Variants in TCF4 observed in about 807,000 individuals in gnomAD.
TCF4 encodes the protein transcription factor 4.
Under a neutral mutation model 82.1 loss-of-function variants are expected in TCF4, and 3 were observed. The observed-to-expected ratio is 0.04, with a 90% CI of 0.02 to 0.09. The LOEUF is 0.09. Among genes scored for constraint, TCF4 ranks in the 10% least tolerant of loss-of-function variants. TCF4 has a pLI of 1.00. For synonymous variants in TCF4, 276 were observed against 309.6 expected, an observed-to-expected ratio of 0.89 and a Z score of 1.14; for missense variants, 518 against 852.7, an observed-to-expected ratio of 0.61 and a Z score of 4.89.
At chr18:55,382,223 T>C (rs1281089527) in intron 6 of TCF4, among the ~76,000 whole-genome samples, 3 of 152,094 alleles carry the variant, frequency 2.0e-5, no homozygotes, top group African/African-American at 7.2e-5. Flanking sequence ...CATGCATGAA[T>C]TGTCTTCCTA....
At chr18:55,248,794 G>A (rs2054111823) in intron 15 of TCF4, among the ~76,000 whole-genome samples, 1 of 152,124 alleles carries the variant, frequency 6.6e-6, no homozygotes, top group Non-Finnish European at 1.5e-5. Context: ...ACCCAGGCTG[G>A]AGTGCAGTGG....
intron 3 of TCF4, among the ~76,000 whole-genome samples, chr18:55,576,719 T>G (rs1328948407): frequency 1.3e-5 from 2 of 152,168 alleles, no homozygotes; most frequent in Non-Finnish European, 1.5e-5. Context: ...TTCATTTCTC[T>G]AAACTCCCAC....
At position 55,380,420 on chromosome 18, in the gene TCF4, G is replaced by A. The variant is rs553269494; in HGVS notation, c.369+23034C>T. Among the ~76,000 whole-genome samples, 10 of 151,632 alleles carry A rather than the reference G, an allele frequency of 6.6e-5. No homozygotes were observed. In the East Asian group the frequency reaches 1.4e-3, roughly 21 times the overall value. ...TTCTCCTAATGCTAACCCTCCCCTC[G>A]TCCCCCACCGCTGACAGGCCCCAGT... On this transcript the variant is annotated intron_variant, in intron 6 of 19. Transcript: ENST00000354452.
intron 8 of TCF4, among the ~76,000 whole-genome samples, chr18:55,318,043 T>C (rs771835480): frequency 6.6e-6 from 1 of 152,150 alleles, no homozygotes; most frequent in Non-Finnish European, 1.5e-5. Context: ...TTACAATAAT[T>C]ACAGGTTTCT....
intron 6 of TCF4, among the ~76,000 whole-genome samples, chr18:55,382,222 A>T (rs978777096): frequency 1.3e-5 from 2 of 152,092 alleles, no homozygotes; most frequent in South Asian, 2.1e-4. Context: ...CCATGCATGA[A>T]TTGTCTTCCT....
chr18:55,541,083 C>T (rs556399469), intron 3 of TCF4, among the ~76,000 whole-genome samples: 37 of 151,946 alleles, frequency 2.4e-4, no homozygotes, highest in African/African-American at 5.1e-4. Context: ...CTACCATGTA[C>T]GTAATAATGA....
intron 5 of TCF4, among the ~76,000 whole-genome samples, chr18:55,437,164 C>T (rs1424873499): frequency 6.6e-6 from 1 of 152,192 alleles, no homozygotes; most frequent in East Asian, 1.9e-4. Flanking sequence ...ATTTATAATG[C>T]TGACTTCCCT....
At chr18:55,480,732 TCAAA>T (rs753576365) in intron 3 of TCF4, among the ~76,000 whole-genome samples, 1 of 152,224 alleles carries the variant, frequency 6.6e-6, no homozygotes, top group Non-Finnish European at 1.5e-5. Flanking sequence ...GTCACTAAAA[TCAAA>T]CAAACCCTAG....
chr18:55,584,924 T>G (rs2097622892), intron 3 of TCF4, among the ~76,000 whole-genome samples: 2 of 152,168 alleles, frequency 1.3e-5, no homozygotes. Flanking sequence ...TCCCATTTTA[T>G]GAATGTTAGA....
At chr18:55,486,687 A>T (rs1021406747) in intron 3 of TCF4, among the ~76,000 whole-genome samples, 1 of 152,184 alleles carries the variant, frequency 6.6e-6, no homozygotes, top group African/African-American at 2.4e-5. Flanking sequence ...GCCAGAGAAC[A>T]GGTGAAATCG....
At chr18:55,460,584 T>C (rs111501748) in intron 5 of TCF4, among the ~76,000 whole-genome samples, 25 of 152,298 alleles carry the variant, frequency 1.6e-4, no homozygotes, top group African/African-American at 6.0e-4. Context: ...CTAAGCCCAT[T>C]AACACCATTT....
At chr18:55,281,803 G>A (rs528250985) in intron 8 of TCF4, among the ~76,000 whole-genome samples, 85 of 151,486 alleles carry the variant, frequency 5.6e-4, no homozygotes, top group African/African-American at 1.7e-3. Flanking sequence ...TTTACAAGGA[G>A]GCTACTTTGA....
In TCF4 at chr18:55,228,047, GA is replaced by G; in HGVS notation, c.*5-18del. 1 of 806,278 alleles carries G rather than the reference GA, an allele frequency of 1.2e-6. No individual in the cohort carries two copies. The highest frequency in any genetic ancestry group is 1.9e-6 in the Non-Finnish European group (1 of 529,290). 49.9% of individuals were successfully genotyped at this position (806,278 alleles called of 1,614,324 possible). Reference sequence around the variant, plus strand: ...AACTTGGACCTGAGAAAGGAAAAAAGAGAGAAAAAATTCATTAATATATTTG... The same window carrying G: ...AACTTGGACCTGAGAAAGGAAAAAAGGAGAAAAAATTCATTAATATATTTG... On this transcript the variant is annotated intron_variant, in intron 19 of 19. Coordinates refer to ENST00000354452, the MANE Select transcript of TCF4 (RefSeq NM_001083962.2).
At chr18:55,412,202 C>T (rs2094374052) in intron 5 of TCF4, among the ~76,000 whole-genome samples, 1 of 152,142 alleles carries the variant, frequency 6.6e-6, no homozygotes, top group Non-Finnish European at 1.5e-5. Context: ...ACTACTAGCA[C>T]TCACCTATTT....
intron 8 of TCF4, among the ~76,000 whole-genome samples, chr18:55,337,157 T>C (rs2078829518): frequency 6.6e-6 from 1 of 152,122 alleles, no homozygotes; most frequent in Non-Finnish European, 1.5e-5. Flanking sequence ...CGTGAGAATG[T>C]GGGAACAGAA....
chr18:55,480,827 G>C (rs1282566216), intron 3 of TCF4, among the ~76,000 whole-genome samples: 1 of 152,182 alleles, frequency 6.6e-6, no homozygotes, highest in Non-Finnish European at 1.5e-5. Flanking sequence ...TTATGGGCCG[G>C]GTGCAGTGGC....
chr18:55,360,731 C>T (rs1465282502), intron 6 of TCF4, among the ~76,000 whole-genome samples: 6 of 74,276 alleles, frequency 8.1e-5, no homozygotes, highest in East Asian at 5.3e-4. Flanking sequence ...GCCCCCCACC[C>T]TTTTTTTTTT....
chr18:55,372,381 T>C (rs1256669639), intron 6 of TCF4, among the ~76,000 whole-genome samples: 1 of 151,858 alleles, frequency 6.6e-6, no homozygotes, highest in Non-Finnish European at 1.5e-5. Context: ...CCAGGGTCAA[T>C]ACATACATGG....
At chr18:55,505,530 C>T (rs1272732331) in intron 3 of TCF4, among the ~76,000 whole-genome samples, 5 of 152,038 alleles carry the variant, frequency 3.3e-5, no homozygotes, top group African/African-American at 9.7e-5. Flanking sequence ...CCGGGCCGGG[C>T]GCGGTGGCTC....
Sources: gnomAD v4.1 joint callset for allele counts (sites outside exome capture counted in the v4.1 genomes callset) on GRCh38, gnomAD v4.1.1 for gene constraint, MANE v1.5 for transcripts, NCBI Gene and HGNC (gene_info 2026-07-23, HGNC 2026-07-21) for gene names.